Variants in PTPRT observed in about 807,000 individuals in gnomAD.
The protein encoded by PTPRT is protein tyrosine phosphatase receptor type T, also known as receptor-type tyrosine-protein phosphatase T.
A neutral mutation model predicts 176.8 loss-of-function variants in PTPRT; 56 were observed. The ratio of observed to expected loss-of-function variants is 0.32; its 90% CI spans 0.26 to 0.40. The LOEUF is 0.40. Ranked by LOEUF, PTPRT falls within the 10% of genes least tolerant of loss-of-function variation. PTPRT has a pLI of 1.00. For missense variants in PTPRT, 1,540 were observed against 1,908.2 expected (o/e 0.81, Z 3.60); for synonymous variants, 783 against 739.0 (o/e 1.06, Z -0.96).
At chr20:43,159,835 G>C (rs115065284) in intron 1 of PTPRT, among the ~76,000 whole-genome samples, 9 of 151,712 alleles carry the variant, frequency 5.9e-5, no homozygotes, top group Non-Finnish European at 8.8e-5. Context: ...GCTGTTTTTC[G>C]CCCCGACCAT....
intron 15 of PTPRT, among the ~76,000 whole-genome samples, chr20:42,232,313 C>T (rs989617045): frequency 5.9e-5 from 9 of 152,164 alleles, no homozygotes; most frequent in Non-Finnish European, 1.2e-4. Flanking sequence ...ATTACTTTTC[C>T]TATTTTATAG....
intron 7 of PTPRT, among the ~76,000 whole-genome samples, chr20:42,559,994 C>T (rs2072925522): frequency 6.6e-6 from 1 of 152,216 alleles, no homozygotes; most frequent in Non-Finnish European, 1.5e-5. Flanking sequence ...AGAAATCTCC[C>T]ACTTCCATGG....
At chr20:42,723,255 T>C (rs987054530) in intron 6 of PTPRT, among the ~76,000 whole-genome samples, 18 of 152,098 alleles carry the variant, frequency 1.2e-4, no homozygotes, top group Non-Finnish European at 2.2e-4. Context: ...TGTCTTACCA[T>C]CTTCATTTTG....
chr20:42,184,575 T>TCTTCTTCTTCTTCTTCTTCTG (rs1990675103), intron 16 of PTPRT, among the ~76,000 whole-genome samples: 9 of 138,864 alleles, frequency 6.5e-5, no homozygotes, highest in African/African-American at 2.2e-4. Context: ...TTCTTCTTCT[T>TCTTCTTCTTCTTCTTCTTCTG]CTTCTTCTTC....
chr20:43,165,249 C>T (rs1027584088), intron 1 of PTPRT, among the ~76,000 whole-genome samples: 24 of 151,950 alleles, frequency 1.6e-4, no homozygotes, highest in African/African-American at 5.8e-4. Flanking sequence ...ACCTCCACCT[C>T]CTGGGTTCAA....
chr20:42,529,612 G>A (rs1223819887), intron 7 of PTPRT, among the ~76,000 whole-genome samples: 2 of 151,836 alleles, frequency 1.3e-5, no homozygotes, highest in East Asian at 1.9e-4. Flanking sequence ...CCAGCCTCCC[G>A]AGTAGCTGAG....
At chr20:43,057,642 C>A (rs938268330) in intron 1 of PTPRT, among the ~76,000 whole-genome samples, 4 of 152,160 alleles carry the variant, frequency 2.6e-5, no homozygotes, top group African/African-American at 7.2e-5. Flanking sequence ...GTACAAGGAA[C>A]TCTGTACTAT....
intron 6 of PTPRT, among the ~76,000 whole-genome samples, chr20:42,737,060 G>A (rs1022818): frequency 0.64 from 97,493 of 152,068 alleles, 32,462 homozygotes; most frequent in East Asian, 0.92. Context: ...ATTCAATTGT[G>A]TCAACCAGAA....
At chr20:42,783,923 A>G (rs1196248191) in intron 3 of PTPRT, among the ~76,000 whole-genome samples, 1 of 152,154 alleles carries the variant, frequency 6.6e-6, no homozygotes, top group Non-Finnish European at 1.5e-5. Flanking sequence ...ACTCCAAGTC[A>G]GTAAATGGAG....
rs376065743 is a variant in PTPRT at position 42,098,472 on chromosome 20, G to A, written c.3795C>T (p.Phe1265=). 56 of 1,614,074 alleles carry A rather than the reference G, an allele frequency of 3.5e-5. No individual in the cohort carries two copies. Among genetic ancestry groups the A allele is most frequent in the East Asian group, 4.5e-5 (2 of 44,890 alleles). ...NTVADFWRLV[F]DYNCSSVVML... ...TCACCACAGAGGAGCAGTTGTAATC[G>A]AACACCAGCCTCCAGAAGTCTGCCA... is the stretch of plus-strand genomic sequence containing the variant. The change falls in exon 27 of 31, where the codon TTC becomes TTT. Residue 1265 remains phenylalanine (F), a synonymous_variant. Transcript: ENST00000373187.
chr20:42,774,918 CT>C lies in PTPRT; in HGVS notation c.569-3369del, dbSNP rs560278358. Among the ~76,000 whole-genome samples, 11 of 152,268 alleles carry C rather than the reference CT, an allele frequency of 7.2e-5. No homozygotes were observed. The East Asian group carries it at 2.1e-3, about 29-fold the overall frequency. ...CCCTGCGTTCCTGGCCTCTCTGACCCTCCTTTTTCCATGCCCCCAAACGGCC... is the reference window on the plus strand; with the variant it reads ...CCCTGCGTTCCTGGCCTCTCTGACCCCCTTTTTCCATGCCCCCAAACGGCC... On this transcript the variant is annotated intron_variant, in intron 4 of 30. Coordinates refer to ENST00000373187, the MANE Select transcript of PTPRT (RefSeq NM_007050.6).
chr20:42,617,677 T>C (rs1195667055), intron 7 of PTPRT, among the ~76,000 whole-genome samples: 4 of 139,158 alleles, frequency 2.9e-5, no homozygotes, highest in Non-Finnish European at 6.1e-5. Flanking sequence ...GGAGGGTGTA[T>C]GTGTTGAGGA....
At chr20:42,394,374 C>A (rs2425485) in intron 9 of PTPRT, among the ~76,000 whole-genome samples, 3 of 151,876 alleles carry the variant, frequency 2.0e-5, no homozygotes, top group African/African-American at 7.3e-5. Flanking sequence ...GCCAATGAAA[C>A]GTGAGCAGAA....
At chr20:42,150,256 A>G (rs916202838) in intron 17 of PTPRT, among the ~76,000 whole-genome samples, 1 of 144,586 alleles carries the variant, frequency 6.9e-6, no homozygotes, top group Non-Finnish European at 1.5e-5. Context: ...AGCCCATTTC[A>G]TTTACCCATT....
At chr20:42,186,233 C>A (rs1397709995) in intron 16 of PTPRT, among the ~76,000 whole-genome samples, 4 of 151,952 alleles carry the variant, frequency 2.6e-5, no homozygotes, top group Non-Finnish European at 5.9e-5. Context: ...TCTGTGGCAA[C>A]TACTCAACTC....
At chr20:43,022,037 A>G (rs1233110250) in intron 1 of PTPRT, among the ~76,000 whole-genome samples, 2 of 152,192 alleles carry the variant, frequency 1.3e-5, no homozygotes, top group Non-Finnish European at 1.5e-5. Context: ...AGCCCCACCC[A>G]CAGCTTTCTC....
intron 5 of PTPRT, among the ~76,000 whole-genome samples, chr20:42,762,461 A>T (rs1401621252): frequency 6.6e-6 from 1 of 152,244 alleles, no homozygotes; most frequent in Non-Finnish European, 1.5e-5. Flanking sequence ...ACCACAGAAC[A>T]CATGAATGGA....
At chr20:42,774,599 G>A (rs182519866) in intron 4 of PTPRT, among the ~76,000 whole-genome samples, 5 of 152,266 alleles carry the variant, frequency 3.3e-5, no homozygotes, top group African/African-American at 4.8e-5. Context: ...ATCAATCTGC[G>A]GTCCCTGATA....
At position 42,530,280 on chromosome 20, in the gene PTPRT, C is replaced by A. The variant is rs866565138; in HGVS notation, c.1154-57718G>T. On this transcript the variant is annotated intron_variant, in intron 7 of 30. Transcript: ENST00000373187. ...CTTCTTTCACAGAAAGTGGGTCCAA[C>A]CAAGCACTCCTACCAACCCTCTCTA... Among the ~76,000 whole-genome samples, 3 of 152,212 alleles carry A rather than the reference C, an allele frequency of 2.0e-5. No individual in the cohort carries two copies. In the South Asian group the frequency reaches 6.2e-4, roughly 32 times the overall value.
Sources: allele counts gnomAD v4.1 joint callset (sites outside exome capture counted in the v4.1 genomes callset), GRCh38; gene constraint gnomAD v4.1.1; transcripts MANE v1.5; gene names NCBI Gene and HGNC (gene_info 2026-07-23, HGNC 2026-07-21).